Variants in RNF180 observed in about 807,000 individuals in gnomAD.
The protein encoded by RNF180 is E3 ubiquitin-protein ligase RNF180.
Under a neutral mutation model 59.2 loss-of-function variants are expected in RNF180, and 38 were observed. The observed-to-expected ratio is 0.64, with a 90% CI of 0.50 to 0.84. RNF180 has a LOEUF of 0.84. Among genes scored for constraint, RNF180 ranks in the 40% least tolerant of loss-of-function variants. The probability of loss-of-function intolerance (pLI) is 0.00; values close to 1 mark genes in which losing one functional copy is unlikely to be tolerated. For synonymous variants in RNF180, 262 were observed against 240.3 expected (o/e 1.09, Z -0.84); for missense variants, 705 against 700.9 (o/e 1.01, Z -0.07).
chr5:64,186,966 G>A (rs887219508), intron 1 of RNF180, among the ~76,000 whole-genome samples: 2 of 152,034 alleles, frequency 1.3e-5, no homozygotes, highest in African/African-American at 4.8e-5. Context: ...GAATATATGG[G>A]TCCTGCTTAT....
chr5:64,345,128 CTCA>C (rs1440179732), intron 7 of RNF180, among the ~76,000 whole-genome samples: 1 of 152,116 alleles, frequency 6.6e-6, no homozygotes, highest in Non-Finnish European at 1.5e-5. Context: ...TCTAGCCCAC[CTCA>C]TCATAGAGAA....
At chr5:64,222,238 A>AC (rs1187177099) in intron 5 of RNF180, among the ~76,000 whole-genome samples, 1 of 152,012 alleles carries the variant, frequency 6.6e-6, no homozygotes, top group Non-Finnish European at 1.5e-5. Context: ...GTATTTGATG[A>AC]TTCACTAAGA....
In RNF180 at chr5:64,358,606, GT is replaced by G. The variant is rs533381337; in HGVS notation, c.1580-11005del. On this transcript the variant is annotated intron_variant, in intron 7 of 7. Transcript: ENST00000389100. ...CCTGAAAAAAGTACAGGCCCAAGTGGTTTTATAGGCTAGATTTATCAAACCT... is the reference window on the plus strand; with the variant it reads ...CCTGAAAAAAGTACAGGCCCAAGTGGTTTATAGGCTAGATTTATCAAACCT... 4.3e-4 allele frequency among the ~76,000 whole-genome samples: 65 copies of G among 151,656 alleles called. 2 individuals carry two copies. In the South Asian group the frequency reaches 0.013, roughly 30 times the overall value.
At chr5:64,243,799 A>T (rs1271553104) in intron 5 of RNF180, among the ~76,000 whole-genome samples, 1 of 152,178 alleles carries the variant, frequency 6.6e-6, no homozygotes, top group African/African-American at 2.4e-5. Flanking sequence ...TGACTGGGAC[A>T]CACCTCCCAG....
intron 6 of RNF180, among the ~76,000 whole-genome samples, chr5:64,327,760 A>G (rs1471406486): frequency 6.6e-6 from 1 of 152,170 alleles, no homozygotes; most frequent in Non-Finnish European, 1.5e-5. Flanking sequence ...GTTGGGTGAC[A>G]TGTTCTGTAA....
intron 1 of RNF180, among the ~76,000 whole-genome samples, chr5:64,170,009 G>C (rs968633957): frequency 1.3e-5 from 2 of 152,206 alleles, no homozygotes; most frequent in African/African-American, 4.8e-5. Context: ...TCCACTTCTG[G>C]ATTATGGAGT....
intron 5 of RNF180, among the ~76,000 whole-genome samples, chr5:64,250,281 T>C (rs982983660): frequency 6.6e-6 from 1 of 152,032 alleles, no homozygotes; most frequent in Non-Finnish European, 1.5e-5. Flanking sequence ...CAAAAGCCAT[T>C]ATAAGAGGGA....
At chr5:64,278,679 G>T (rs754935699) in intron 5 of RNF180, among the ~76,000 whole-genome samples, 2 of 152,188 alleles carry the variant, frequency 1.3e-5, no homozygotes, top group Non-Finnish European at 2.9e-5. Flanking sequence ...CAGTAATTAA[G>T]ATTTTGGGTG....
chr5:64,194,214 C>T (rs969427789), intron 1 of RNF180, among the ~76,000 whole-genome samples: 13 of 151,972 alleles, frequency 8.6e-5, no homozygotes, highest in African/African-American at 2.9e-4. Context: ...TCCATGTGTT[C>T]TCATTGTTCA....
chr5:64,334,355 C>CT (rs1745034723), intron 7 of RNF180, among the ~76,000 whole-genome samples: 1 of 152,152 alleles, frequency 6.6e-6, no homozygotes, highest in Admixed American at 6.5e-5. Flanking sequence ...CCAGGGGAGC[C>CT]TGAGAACTTG....
chr5:64,202,160 CT>C (rs1362854013), intron 2 of RNF180, among the ~76,000 whole-genome samples: 1 of 152,208 alleles, frequency 6.6e-6, no homozygotes, highest in Non-Finnish European at 1.5e-5. Flanking sequence ...TTGTCTTGCC[CT>C]TCTGCAGGCA....
chr5:64,318,265 TTC>T (rs1379275991), intron 5 of RNF180, among the ~76,000 whole-genome samples: 3 of 152,300 alleles, frequency 2.0e-5, no homozygotes, highest in South Asian at 4.1e-4. Context: ...GTTCTCCCTC[TTC>T]TCTCTCAAAA....
At chr5:64,195,977 G>T (rs1255407449) in intron 1 of RNF180, among the ~76,000 whole-genome samples, 1 of 152,118 alleles carries the variant, frequency 6.6e-6, no homozygotes, top group Non-Finnish European at 1.5e-5. Context: ...ACAGATATGG[G>T]GAGAGCTTGC....
chr5:64,340,916 T>G (rs1294055444), intron 7 of RNF180, among the ~76,000 whole-genome samples: 13 of 152,108 alleles, frequency 8.5e-5, no homozygotes, highest in Non-Finnish European at 1.9e-4. Flanking sequence ...TCTCCTTTCC[T>G]CCCTCCCTCT....
chr5:64,227,719 C>A (rs1375580281), intron 5 of RNF180, among the ~76,000 whole-genome samples: 1 of 152,118 alleles, frequency 6.6e-6, no homozygotes, highest in African/African-American at 2.4e-5. Context: ...CTCTGTGCAC[C>A]AAGAAAACTA....
chr5:64,361,477 G>A (rs1409606269), intron 7 of RNF180, among the ~76,000 whole-genome samples: 1 of 151,544 alleles, frequency 6.6e-6, no homozygotes, highest in Non-Finnish European at 1.5e-5. Context: ...TGAGTATGTG[G>A]AATATTGGCA....
chr5:64,233,976 G>C (rs1742250515), intron 5 of RNF180, among the ~76,000 whole-genome samples: 1 of 152,148 alleles, frequency 6.6e-6, no homozygotes, highest in African/African-American at 2.4e-5. Context: ...AAGTTGGAGA[G>C]AGGCAGTATA....
intron 3 of RNF180, among the ~76,000 whole-genome samples, chr5:64,212,810 G>A (rs1376851215): frequency 6.6e-6 from 1 of 152,082 alleles, no homozygotes; most frequent in African/African-American, 2.4e-5. Flanking sequence ...TAAGTAGTAG[G>A]ACTTTGGAAA....
intron 5 of RNF180, among the ~76,000 whole-genome samples, chr5:64,245,932 G>A (rs1743126765): frequency 6.6e-6 from 1 of 152,120 alleles, no homozygotes; most frequent in African/African-American, 2.4e-5. Context: ...AGATGACAGT[G>A]CAATCAAATT....
Sources: allele counts gnomAD v4.1 joint callset (sites outside exome capture counted in the v4.1 genomes callset), GRCh38; gene constraint gnomAD v4.1.1; transcripts MANE v1.5; gene names NCBI Gene and HGNC (gene_info 2026-07-23, HGNC 2026-07-21).